Variants in RAD21 observed in about 807,000 individuals in gnomAD.
The protein encoded by RAD21 is RAD21 cohesin complex component, also known as double-strand-break repair protein rad21 homolog.
Under a neutral mutation model 71.5 loss-of-function variants are expected in RAD21, and 18 were observed. The observed-to-expected ratio is 0.25, with a 90% confidence interval of 0.17 to 0.37. The LOEUF is 0.37. Ranked by LOEUF, RAD21 falls within the 10% of genes least tolerant of loss-of-function variation. The pLI is 1.00. For synonymous variants in RAD21, 248 were observed against 254.0 expected, an observed-to-expected ratio of 0.98 and a Z score of 0.22; for missense variants, 493 against 769.1, an observed-to-expected ratio of 0.64 and a Z score of 4.25.
chr8:116,847,357 T>C lies in RAD21; in HGVS notation c.*143A>G, dbSNP rs1206389887. 1.2e-5 allele frequency: 8 copies of C among 674,102 alleles called. No individual in the cohort carries two copies. Among genetic ancestry groups the C allele is most frequent in the Admixed American group, 3.3e-5 (1 of 30,622 alleles). The allele number at this position is 674,102 out of a possible 1,614,324, so 41.8% of individuals were successfully genotyped here. On this transcript the variant is annotated 3_prime_UTR_variant, in exon 14 of 14. Coordinates refer to ENST00000297338, the MANE Select transcript of RAD21 (RefSeq NM_006265.3). The stretch of plus-strand genomic sequence containing the variant: ...GATGAAATTGACAAATTTAATGTAC[T>C]GGAAAAAAATGAAGAAGGAAAAAGG...
At chr8:116,848,892 C>T in intron 13 of RAD21, 54 bp downstream of exon 13, 1 of 1,446,492 alleles carries the variant, frequency 6.9e-7, no homozygotes, top group South Asian at 1.4e-5. Flanking sequence ...TTTCAGGGAA[C>T]AATGGCAAAA....
intron 1 of RAD21, among the ~76,000 whole-genome samples, chr8:116,869,074 A>C (rs16889074): frequency 0.029 from 4,466 of 152,294 alleles, 92 homozygotes; most frequent in Middle Eastern, 0.078. Context: ...AAAAATTTTG[A>C]CACATCAAAA....
In RAD21 at chr8:116,850,763, T is replaced by C; in HGVS notation, c.1475A>G (p.Gln492Arg). 6.3e-7 allele frequency: 1 copy of C among 1,590,352 alleles called. No individual in the cohort carries two copies. The highest frequency in any genetic ancestry group is 8.6e-7 in the Non-Finnish European group (1 of 1,158,566). Residue 492 changes from glutamine to arginine, a missense_variant, in exon 12 of 14, where the codon CAG (glutamine) becomes CGG (arginine). This residue lies in a region of RAD21 where 225 missense variants were observed against 218.3 expected (regional missense o/e 1.03). Coordinates refer to ENST00000297338, the MANE Select transcript of RAD21 (RefSeq NM_006265.3). The stretch of plus-strand genomic sequence containing the variant: ...TGGTATTTCCATCTGCTCTACCTGC[T>C]GAGGCTTAAAGCAATACAAATAAGA... ...QIDPEPVMPP[Q>R]QVEQMEIPPV...
intron 8 of RAD21, 151 bp from the exon 9 acceptor site, chr8:116,854,619 CAT>C (rs1812424165): frequency 1.5e-6 from 1 of 657,828 alleles, no homozygotes; most frequent in South Asian, 2.0e-5. Context: ...CGTTTTAACT[CAT>C]GTTTTCCAAC....
chr8:116,868,125 C>G (rs1051821135), intron 1 of RAD21, among the ~76,000 whole-genome samples: 3 of 152,142 alleles, frequency 2.0e-5, no homozygotes, highest in African/African-American at 7.2e-5. Flanking sequence ...TCACTGCAGC[C>G]TTGAACTCCT....
chr8:116,863,544 T>C (rs754849019), intron 2 of RAD21, among the ~76,000 whole-genome samples: 8 of 152,120 alleles, frequency 5.3e-5, no homozygotes, highest in Admixed American at 2.0e-4. Context: ...TCCAGGGCCA[T>C]TGTTTCTTGC....
Position 116,852,783 on chromosome 8 carries a change from T to C in RAD21, c.1162-75A>G, listed in dbSNP as rs377527222. 52 of 1,106,866 alleles carry C rather than the reference T, an allele frequency of 4.7e-5. No homozygotes were observed. In the East Asian group the frequency reaches 9.3e-4, roughly 20 times the overall value. 68.6% of individuals were successfully genotyped at this position (1,106,866 alleles called of 1,614,324 possible). ...TAAAAAGTCACCACTGATTTCTATC[T>C]TCCAAAGGTATGTTCTAATAAATAT... On this transcript the variant is annotated intron_variant, in intron 9 of 13. Transcript: ENST00000297338.
At chr8:116,862,839 TTGA>T (rs1812617927) in intron 3 of RAD21, among the ~76,000 whole-genome samples, 1 of 152,130 alleles carries the variant, frequency 6.6e-6, no homozygotes, top group Non-Finnish European at 1.5e-5. Flanking sequence ...TTTTAACCTC[TTGA>T]TGACTCAAGT....
chr8:116,850,266 T>C (rs550233280), intron 12 of RAD21, among the ~76,000 whole-genome samples: 6 of 152,058 alleles, frequency 3.9e-5, no homozygotes, highest in East Asian at 1.9e-4. Flanking sequence ...CCACCACAGA[T>C]ACAGAAAAGG....
At chr8:116,850,531 G>C (rs1812327219) in intron 12 of RAD21, 87 bp downstream of exon 12, 4 of 1,537,604 alleles carry the variant, frequency 2.6e-6, no homozygotes, top group Non-Finnish European at 3.5e-6. Flanking sequence ...CTGATGCTCA[G>C]CATCAATTAA....
Position 116,871,831 on chromosome 8 carries a change from A to T in RAD21, c.-33+2780T>A, listed in dbSNP as rs560287998. Among the ~76,000 whole-genome samples the T allele has an allele frequency of 9.3e-4, 142 of 152,342 alleles. 1 individual carries two copies. The highest frequency in any genetic ancestry group is 3.4e-3 in the African/African-American group (141 of 41,582). On this transcript the variant is annotated intron_variant, in intron 1 of 13. Transcript: ENST00000297338. The stretch of plus-strand genomic sequence containing the variant: ...GAGATGGAGAAAACAGATGAAGATA[A>T]GTAAATGTCACTAGTATTTAATGGA...
chr8:116,872,855 G>A (rs941843052), intron 1 of RAD21, among the ~76,000 whole-genome samples: 1 of 152,178 alleles, frequency 6.6e-6, no homozygotes, highest in Non-Finnish European at 1.5e-5. Context: ...AATCTCCTCT[G>A]TTTTGGTTCT....
chr8:116,867,769 T>C (rs918746626), intron 1 of RAD21, among the ~76,000 whole-genome samples: 6 of 152,208 alleles, frequency 3.9e-5, no homozygotes, highest in Non-Finnish European at 5.9e-5. Context: ...CAGGGAGTCA[T>C]AGATAGCAGG....
intron 1 of RAD21, among the ~76,000 whole-genome samples, chr8:116,868,444 C>T (rs1224730975): frequency 1.3e-5 from 2 of 152,108 alleles, no homozygotes; most frequent in South Asian, 2.1e-4. Context: ...TACAAATAAA[C>T]CTGCTATAAA....
At chr8:116,872,454 C>T (rs1341688004) in intron 1 of RAD21, among the ~76,000 whole-genome samples, 2 of 151,990 alleles carry the variant, frequency 1.3e-5, no homozygotes, top group Non-Finnish European at 2.9e-5. Flanking sequence ...ACACATGAAA[C>T]TGGTGATACT....
At chr8:116,862,984 C>G (rs773548287) in intron 3 of RAD21, 146 bp downstream of exon 3, 45 of 1,063,192 alleles carry the variant, frequency 4.2e-5, no homozygotes, top group Non-Finnish European at 5.4e-5. Context: ...CTCCCCAAGC[C>G]TTGCTCTATC....
At chr8:116,852,514 G>C (rs10093705) in intron 10 of RAD21, 35 bp downstream of exon 10, 1 of 1,553,328 alleles carries the variant, frequency 6.4e-7, no homozygotes, top group Non-Finnish European at 8.7e-7. Flanking sequence ...ATACTCATGT[G>C]AACTTCATCA....
In RAD21 at chr8:116,854,578, A is replaced by G. The variant is rs16888919; in HGVS notation, c.938-110T>C. 1,363 of 803,626 alleles carry G rather than the reference A, an allele frequency of 1.7e-3. 7 individuals carry two copies. The highest frequency in any genetic ancestry group is 0.011 in the African/African-American group (641 of 57,816). 49.8% of individuals were successfully genotyped at this position (803,626 alleles called of 1,614,324 possible). The stretch of plus-strand genomic sequence containing the variant: ...CCCTGCTTTTCTACACACAGACTCT[A>G]GCAGAGAAGTTAAACTTCATGAGGA... On this transcript the variant is annotated intron_variant, in intron 8 of 13. Transcript: ENST00000297338.
chr8:116,874,505 C>T (rs932511126), intron 1 of RAD21, 106 bp downstream of exon 1: 9 of 246,332 alleles, frequency 3.7e-5, no homozygotes, highest in African/African-American at 2.1e-4. Context: ...CTGCCTTCTC[C>T]CTCGCCCTCC....
Sources: allele counts gnomAD v4.1 joint callset (sites outside exome capture counted in the v4.1 genomes callset), GRCh38; gene constraint gnomAD v4.1.1; regional missense constraint gnomAD v4.1.1; transcripts MANE v1.5; gene names NCBI Gene and HGNC (gene_info 2026-07-23, HGNC 2026-07-21).